The following VSTM4 variants were observed in gnomAD, a reference collection of about 807,000 sequenced individuals.
The protein encoded by VSTM4 is V-set and transmembrane domain containing 4, also known as V-set and transmembrane domain-containing protein 4.
In VSTM4, 20 loss-of-function variants were observed where a neutral mutation model predicts 36.4. The observed-to-expected ratio is 0.55, with a 90% CI of 0.39 to 0.80. The LOEUF is 0.80. Among genes scored for constraint, VSTM4 ranks in the 30% least tolerant of loss-of-function variants. The pLI is 0.00. For synonymous variants in VSTM4, 182 were observed against 173.9 expected (o/e 1.05, Z -0.37); for missense variants, 392 against 404.5 (o/e 0.97, Z 0.26).
intron 2 of VSTM4, among the ~76,000 whole-genome samples, chr10:49,087,448 AG>A (rs1844389074): frequency 6.6e-6 from 1 of 152,220 alleles, no homozygotes; most frequent in Non-Finnish European, 1.5e-5. Context: ...CATTGTATAT[AG>A]AAAATCTTGG....
chr10:49,084,780 G>A (rs544177110), intron 3 of VSTM4, among the ~76,000 whole-genome samples: 1 of 152,308 alleles, frequency 6.6e-6, no homozygotes, highest in South Asian at 2.1e-4. Flanking sequence ...TTCTTTAATT[G>A]CTTATGATCA....
chr10:49,021,482 A>T (rs1843181389), intron 7 of VSTM4, among the ~76,000 whole-genome samples: 1 of 152,218 alleles, frequency 6.6e-6, no homozygotes, highest in South Asian at 2.1e-4. Context: ...TTTATATCTC[A>T]TATTAAAGGG....
intron 5 of VSTM4, among the ~76,000 whole-genome samples, chr10:49,049,303 C>G (rs568307409): frequency 6.6e-6 from 1 of 152,272 alleles, no homozygotes; most frequent in African/African-American, 2.4e-5. Context: ...TTTTACATTA[C>G]AGGTAAGAAG....
chr10:49,035,607 G>A (rs1843415833), intron 7 of VSTM4, among the ~76,000 whole-genome samples: 2 of 148,548 alleles, frequency 1.3e-5, no homozygotes, highest in Admixed American at 1.3e-4. Context: ...GCCAAAGTGA[G>A]AGGATTGCTT....
intron 4 of VSTM4, among the ~76,000 whole-genome samples, chr10:49,074,978 A>G (rs918350757): frequency 1.3e-5 from 2 of 152,176 alleles, no homozygotes; most frequent in East Asian, 3.9e-4. Flanking sequence ...TGTCGCTCTC[A>G]TCCAGGGTCA....
chr10:49,071,392 CT>C (rs1844076562), intron 4 of VSTM4, among the ~76,000 whole-genome samples: 1 of 152,202 alleles, frequency 6.6e-6, no homozygotes, highest in Non-Finnish European at 1.5e-5. Context: ...TGACTCAGTG[CT>C]GTCAAGGCCC....
At chr10:49,028,761 C>T (rs948103941) in intron 7 of VSTM4, among the ~76,000 whole-genome samples, 5 of 152,266 alleles carry the variant, frequency 3.3e-5, no homozygotes, top group African/African-American at 1.2e-4. Flanking sequence ...AAGAAAAATG[C>T]AATTGCAGCC....
At chr10:49,096,922 G>A (rs1343250475) in intron 2 of VSTM4, among the ~76,000 whole-genome samples, 1 of 151,978 alleles carries the variant, frequency 6.6e-6, no homozygotes, top group African/African-American at 2.4e-5. Flanking sequence ...CAAAGTTCTA[G>A]GATTACAGGC....
chr10:49,030,347 A>C (rs1362991551), intron 7 of VSTM4, among the ~76,000 whole-genome samples: 1 of 152,178 alleles, frequency 6.6e-6, no homozygotes, highest in South Asian at 2.1e-4. Flanking sequence ...CTGCTGACTT[A>C]GGTGTGCCTT....
At chr10:49,050,545 C>A (rs188127068) in intron 5 of VSTM4, among the ~76,000 whole-genome samples, 24 of 152,170 alleles carry the variant, frequency 1.6e-4, no homozygotes, top group Non-Finnish European at 3.2e-4. Context: ...TTATTGGGAA[C>A]GGAGATTCTA....
Position 49,086,032 on chromosome 10 carries a change from C to G in VSTM4, c.458-9G>C. ...AGCTTTGAGGGAAATGACTGAAAGA[C>G]AAAAAAGAAACAGCACAGTATGAAA... On this transcript the variant is annotated splice_polypyrimidine_tract_variant and intron_variant, in intron 2 of 7. Transcript: ENST00000332853. The G allele has an allele frequency of 1.3e-6, 2 of 1,570,800 alleles. No individual in the cohort carries two copies. Among genetic ancestry groups the G allele is most frequent in the Non-Finnish European group, 8.6e-7 (1 of 1,160,898 alleles).
At chr10:49,025,199 C>T (rs535613366) in intron 7 of VSTM4, among the ~76,000 whole-genome samples, 2 of 152,258 alleles carry the variant, frequency 1.3e-5, no homozygotes, top group South Asian at 4.1e-4. Context: ...TTAAGCTGCC[C>T]TGACTATGTG....
At chr10:49,095,491 C>T (rs7084861) in intron 2 of VSTM4, among the ~76,000 whole-genome samples, 42,762 of 151,960 alleles carry the variant, frequency 0.28, 7,371 homozygotes, top group African/African-American at 0.48. Flanking sequence ...TGCTGCCCAC[C>T]CCTGTCCCCC....
chr10:49,100,447 G>A (rs1844646746), intron 2 of VSTM4, among the ~76,000 whole-genome samples: 2 of 152,060 alleles, frequency 1.3e-5, no homozygotes, highest in African/African-American at 4.8e-5. Context: ...CAGCAATACC[G>A]ATTTAAAATC....
chr10:49,084,765 G>C (rs117314375), intron 3 of VSTM4, among the ~76,000 whole-genome samples: 2,325 of 152,308 alleles, frequency 0.015, 32 homozygotes, highest in Middle Eastern at 0.068. Flanking sequence ...AACTCACAAA[G>C]TGCATTCTTT....
At chr10:49,058,694 A>T (rs1222934298) in intron 5 of VSTM4, among the ~76,000 whole-genome samples, 2 of 152,174 alleles carry the variant, frequency 1.3e-5, no homozygotes, top group African/African-American at 4.8e-5. Context: ...AAGTCATGGA[A>T]TTCCCTTGAG....
At chr10:49,047,775 T>G (rs973580204) in intron 6 of VSTM4, among the ~76,000 whole-genome samples, 1 of 152,194 alleles carries the variant, frequency 6.6e-6, no homozygotes, top group African/African-American at 2.4e-5. Flanking sequence ...CAGGGCTTGA[T>G]GTGTCCCTAG....
chr10:49,023,805 C>A (rs1370859722), intron 7 of VSTM4, among the ~76,000 whole-genome samples: 1 of 152,132 alleles, frequency 6.6e-6, no homozygotes, highest in African/African-American at 2.4e-5. Flanking sequence ...CAGAAGGTTG[C>A]GGAGTGTTAG....
rs531684813 is a variant in VSTM4, at chr10:49,049,636, C to T, written c.669-1052G>A. On this transcript the variant is annotated intron_variant, in intron 5 of 7. Transcript: ENST00000332853. ...ATCCATAAAAATATGACCCAATCATCAAAATAAAAGAAGGTTGGAAACAGG... is the reference window on the plus strand; with the variant it reads ...ATCCATAAAAATATGACCCAATCATTAAAATAAAAGAAGGTTGGAAACAGG... Among the ~76,000 whole-genome samples the T allele has an allele frequency of 3.3e-5, 5 of 152,104 alleles. No individual in the cohort carries two copies. In the South Asian group the frequency reaches 1.0e-3, roughly 32 times the overall value.
Sources: gnomAD v4.1 joint callset for allele counts (sites outside exome capture counted in the v4.1 genomes callset) on GRCh38, gnomAD v4.1.1 for gene constraint, MANE v1.5 for transcripts, NCBI Gene and HGNC (gene_info 2026-07-23, HGNC 2026-07-21) for gene names.